MEIKIN: variants seen among roughly 807,000 people sequenced by gnomAD.
The protein encoded by MEIKIN is meiosis-specific kinetochore protein.
intron 9 of MEIKIN, among the ~76,000 whole-genome samples, chr5:131,857,602 A>G (rs1303245435): frequency 6.6e-6 from 1 of 152,024 alleles, no homozygotes; most frequent in South Asian, 2.1e-4. Context: ...CCCTTCTCAT[A>G]GCTCCTTCAC....
At chr5:131,871,543 C>T (rs1750499234) in intron 9 of MEIKIN, among the ~76,000 whole-genome samples, 8 of 152,234 alleles carry the variant, frequency 5.3e-5, no homozygotes, top group Admixed American at 5.2e-4. Context: ...AGGAGGCCTG[C>T]CTGCCTCTGT....
At chr5:131,894,906 G>C (rs1751007475) in intron 8 of MEIKIN, among the ~76,000 whole-genome samples, 1 of 152,110 alleles carries the variant, frequency 6.6e-6, no homozygotes, top group Non-Finnish European at 1.5e-5. Context: ...TCTTTTGCCT[G>C]GTTGCCCTGG....
intron 11 of MEIKIN, among the ~76,000 whole-genome samples, chr5:131,850,315 C>A (rs934631788): frequency 2.0e-5 from 3 of 152,046 alleles, no homozygotes; most frequent in African/African-American, 7.2e-5. Context: ...ATGTTTATTG[C>A]AGAAACAGAA....
chr5:131,907,783 A>G (rs1225612970), intron 8 of MEIKIN, among the ~76,000 whole-genome samples: 1 of 152,080 alleles, frequency 6.6e-6, no homozygotes, highest in Non-Finnish European at 1.5e-5. Flanking sequence ...GAGGCAAGAG[A>G]GTCACTTGAA....
At chr5:131,871,146 G>A (rs1750485697) in intron 9 of MEIKIN, among the ~76,000 whole-genome samples, 1 of 152,214 alleles carries the variant, frequency 6.6e-6, no homozygotes, top group Non-Finnish European at 1.5e-5. Context: ...GTGCCAGATA[G>A]TGGGTGCCGG....
chr5:131,921,707 T>C, intron 6 of MEIKIN, 115 bp downstream of exon 6: 3 of 393,714 alleles, frequency 7.6e-6, no homozygotes, highest in Non-Finnish European at 1.3e-5. Flanking sequence ...TATTAGATAT[T>C]ATCTGTAGCC....
At chr5:131,812,525 G>A (rs1407033081) in intron 12 of MEIKIN, among the ~76,000 whole-genome samples, 1 of 152,192 alleles carries the variant, frequency 6.6e-6, no homozygotes, top group Admixed American at 6.5e-5. Context: ...ATTAGGTATT[G>A]CATCTGGCAC....
intron 11 of MEIKIN, among the ~76,000 whole-genome samples, chr5:131,835,449 C>A (rs1476112266): frequency 6.6e-6 from 1 of 152,124 alleles, no homozygotes; most frequent in Non-Finnish European, 1.5e-5. Context: ...AGACCAGTAT[C>A]AAGAGGCTTT....
At chr5:131,901,396 AGTGGGGCCTGTTCCCCCCT>A (rs1751154788) in intron 8 of MEIKIN, among the ~76,000 whole-genome samples, 1 of 152,072 alleles carries the variant, frequency 6.6e-6, no homozygotes. Context: ...CACGGACCCC[AGTGGGGCCTGTTCCCCCCT>A]GTGCCATGCT....
chr5:131,937,325 G>A (rs897794338), intron 4 of MEIKIN, among the ~76,000 whole-genome samples: 2 of 152,158 alleles, frequency 1.3e-5, no homozygotes. Context: ...TTTTTGATGT[G>A]TGACAGCTTT....
At chr5:131,900,500 G>A (rs1365771921) in intron 8 of MEIKIN, among the ~76,000 whole-genome samples, 2 of 152,050 alleles carry the variant, frequency 1.3e-5, no homozygotes, top group African/African-American at 4.8e-5. Flanking sequence ...CACTTGTTCT[G>A]TAGGGGCAGA....
At chr5:131,855,467 A>G (rs1750176685) in intron 9 of MEIKIN, among the ~76,000 whole-genome samples, 1 of 152,038 alleles carries the variant, frequency 6.6e-6, no homozygotes, top group Admixed American at 6.6e-5. Flanking sequence ...TGAGGAGAGA[A>G]ACAGACAAGA....
At chr5:131,853,234 TTCCCTGAG>T in intron 10 of MEIKIN, among the ~76,000 whole-genome samples, 1 of 152,332 alleles carries the variant, frequency 6.6e-6, no homozygotes, top group South Asian at 2.1e-4. Flanking sequence ...TACTTTGAGT[TTCCCTGAG>T]TGCAGGGACA....
chr5:131,911,982 T>G, intron 7 of MEIKIN, 103 bp from the exon 8 acceptor site: 1 of 388,324 alleles, frequency 2.6e-6, no homozygotes, highest in Non-Finnish European at 4.6e-6. Context: ...TTGAGATTAA[T>G]TATCCTGTGG....
chr5:131,876,986 G>A (rs925326757), intron 9 of MEIKIN, among the ~76,000 whole-genome samples: 1 of 142,554 alleles, frequency 7.0e-6, no homozygotes, highest in Non-Finnish European at 1.5e-5. Flanking sequence ...TCACACACTG[G>A]GGCCTGTTGT....
chr5:131,908,381 G>A lies in MEIKIN; in HGVS notation c.703+3434C>T, dbSNP rs142451958. ...AAAATCGTGATAAAATTCAACATCC[G>A]TTCATGATAAAAATTCTCAAAACAG... On this transcript the variant is annotated intron_variant, in intron 8 of 12. Transcript: ENST00000442687. Among the ~76,000 whole-genome samples, 712 of 152,150 alleles carry A rather than the reference G, an allele frequency of 4.7e-3. 1 individual carries two copies. The highest frequency in any genetic ancestry group is 6.3e-3 in the Non-Finnish European group (426 of 67,970).
chr5:131,815,929 G>A (rs973418855), intron 12 of MEIKIN, among the ~76,000 whole-genome samples: 4 of 152,298 alleles, frequency 2.6e-5, no homozygotes, highest in East Asian at 1.9e-4. Context: ...TACCTGTTAC[G>A]ATCACCTGAT....
intron 2 of MEIKIN, 75 bp from the exon 3 acceptor site, chr5:131,944,827 A>C: frequency 2.5e-6 from 1 of 399,004 alleles, no homozygotes; most frequent in Non-Finnish European, 4.4e-6. Flanking sequence ...ACTCTTTAGA[A>C]TCTGAAAGGC....
chr5:131,888,991 T>C (rs902111806), intron 8 of MEIKIN, among the ~76,000 whole-genome samples: 4 of 152,342 alleles, frequency 2.6e-5, no homozygotes, highest in African/African-American at 9.6e-5. Context: ...TGCTTGTTTA[T>C]GTCAGGTTTG....
Sources: gnomAD v4.1 joint callset for allele counts (sites outside exome capture counted in the v4.1 genomes callset) on GRCh38, gnomAD v4.1.1 for gene constraint, MANE v1.5 for transcripts, NCBI Gene and HGNC (gene_info 2026-07-23, HGNC 2026-07-21) for gene names.